Variants in MAPK7 observed in about 807,000 individuals in gnomAD.
The protein encoded by MAPK7 is BMK-1.
Under a neutral mutation model 56.9 loss-of-function variants are expected in MAPK7, and 30 were observed. That is an observed-to-expected ratio of 0.53 (90% confidence interval 0.39 to 0.72). The LOEUF (loss-of-function observed/expected upper bound fraction) is 0.72, where lower values mean the gene tolerates loss of function less well. Among genes scored for constraint, MAPK7 ranks in the 30% least tolerant of loss-of-function variants. MAPK7 has a pLI of 0.00. For synonymous variants in MAPK7, 516 were observed against 449.3 expected (o/e 1.15, Z -1.88); for missense variants, 952 against 1,110.8 (o/e 0.86, Z 2.03).
Position 19,378,602 on chromosome 17 carries a change from A to T in MAPK7, c.-34A>T. 2.4e-6 allele frequency: 3 copies of T among 1,254,698 alleles called. No individual in the cohort carries two copies. The highest frequency in any genetic ancestry group is 3.0e-6 in the Non-Finnish European group (3 of 995,566). The allele number at this position is 1,254,698 out of a possible 1,614,324, so 77.7% of individuals were successfully genotyped here. On this transcript the variant is annotated 5_prime_UTR_variant, in exon 1 of 7. Coordinates refer to ENST00000395604, the MANE Select transcript of MAPK7 (RefSeq NM_002749.4). The surrounding 1 kb of genome is among the most constrained non-coding windows in gnomAD (Gnocchi z 5.4). Reference sequence around the variant, plus strand: ...GGACGGGAGGCCGGCGAGCCTCGGGACCTCTGAAAGCCTTGAGGAGGCGCG... The same window carrying T: ...GGACGGGAGGCCGGCGAGCCTCGGGTCCTCTGAAAGCCTTGAGGAGGCGCG...
Position 19,381,795 on chromosome 17 carries a change from C to G in MAPK7, c.1492C>G (p.Pro498Ala). Residue 498 changes from proline to alanine, a missense_variant, in exon 5 of 7, where the codon CCC becomes GCC. By Grantham distance (27) the Pro-to-Ala change is conservative. Around this residue, in one of 5 missense-constraint regions of MAPK7, gnomAD observed 429 missense variants for 533.0 expected, o/e 0.80. Coordinates refer to ENST00000395604, the MANE Select transcript of MAPK7 (RefSeq NM_002749.4). This position sits in a 1 kb window ranked among gnomAD's most constrained non-coding sequence, Gnocchi z 4.6. ...RSRLRDGPSAPLEAPEPRKPV... is the reference protein window; with the variant it reads ...RSRLRDGPSAALEAPEPRKPV... Reference sequence around the variant, plus strand: ...CTTCCCCGCAGATGGCCCCAGCGCACCCCTGGAGGCTCCTGAGCCTCGGAA... The same window carrying G: ...CTTCCCCGCAGATGGCCCCAGCGCAGCCCTGGAGGCTCCTGAGCCTCGGAA... 1 of 1,556,576 alleles carries G rather than the reference C, an allele frequency of 6.4e-7. No homozygotes were observed. The highest frequency in any genetic ancestry group is 8.7e-7 in the Non-Finnish European group (1 of 1,153,900).
At position 19,379,946 on chromosome 17, in the gene MAPK7, G is replaced by C; in HGVS notation, c.397G>C (p.Val133Leu). The change falls in exon 3 of 7, where the codon GTC becomes CTC. Residue 133 changes from valine (V) to leucine (L), a missense_variant and splice_region_variant. Val to Leu is a conservative substitution (Grantham distance 32). Coordinates refer to ENST00000395604, the MANE Select transcript of MAPK7 (RefSeq NM_002749.4). Reference protein sequence around the residue: ...PTVPYGEFKSVYVVLDLMESD... With the variant: ...PTVPYGEFKSLYVVLDLMESD... The stretch of plus-strand genomic sequence containing the variant: ...CGTGCCCTATGGCGAATTCAAATCT[G>C]TGTAAGAAGCGGGATGGGAGAGGGA... The C allele has an allele frequency of 6.2e-7, 1 of 1,612,744 alleles. No individual in the cohort carries two copies.
chr17:19,378,219 G>A (rs1912264721), upstream of MAPK7: 1 of 985,718 alleles, frequency 1.0e-6, no homozygotes, highest in African/African-American at 1.7e-5. The surrounding 1 kb of genome is among the most constrained non-coding windows in gnomAD (Gnocchi z 5.4). Context: ...ACGTGCAGGG[G>A]CGTTGCCTTC....
chr17:19,379,055 GCGA>G lies in MAPK7; in HGVS notation c.159_161del (p.Asp53del), dbSNP rs1912377541. 1 of 1,614,060 alleles carries G rather than the reference GCGA, an allele frequency of 6.2e-7. No individual in the cohort carries two copies. The highest frequency in any genetic ancestry group is 1.7e-5 in the Admixed American group (1 of 60,008). ...TCCTTCGATGTGACCTTTGACGTGG[GCGA>G]CGAGTACGAGATCATCGAGACCATA... On this transcript the variant is annotated inframe_deletion, in exon 2 of 7. Transcript: ENST00000395604.
At chr17:19,379,288 G>T (rs962983362) in intron 2 of MAPK7, 156 bp downstream of exon 2, 16 of 689,278 alleles carry the variant, frequency 2.3e-5, no homozygotes, top group Non-Finnish European at 3.8e-5. Context: ...GCTCCGGGGA[G>T]GCTCGGTTCT....
At position 19,381,082 on chromosome 17, in the gene MAPK7, T is replaced by C. The variant is rs774766595; in HGVS notation, c.873T>C (p.Ala291=). The change falls in exon 4 of 7, where the codon GCT becomes GCC. Residue 291 remains alanine (A), a synonymous_variant. Transcript: ENST00000395604. This position sits in a 1 kb window ranked among gnomAD's most constrained non-coding sequence, Gnocchi z 4.6. ...PSPAVIQAVG[A]ERVRAYIQSL... ...CAGCCGTGATTCAGGCTGTGGGGGC[T>C]GAGAGGGTGCGGGCCTATATCCAGA... The C allele has an allele frequency of 3.7e-6, 6 of 1,614,094 alleles. No homozygotes were observed. The highest frequency in any genetic ancestry group is 2.7e-5 in the African/African-American group (2 of 75,040).
chr17:19,382,565 G>A (rs1006462380), intron 5 of MAPK7, 99 bp downstream of exon 5: 1 of 1,506,406 alleles, frequency 6.6e-7, no homozygotes, highest in Non-Finnish European at 8.8e-7. Context: ...AGCAGCAGAT[G>A]GGGCTTTATC....
At position 19,378,772 on chromosome 17, in the gene MAPK7, CCG is replaced by C. The variant is rs1912337676; in HGVS notation, c.-5-118_-5-117del. 2.4e-5 allele frequency: 31 copies of C among 1,279,108 alleles called. No individual in the cohort carries two copies. Among genetic ancestry groups the C allele is most frequent in the Middle Eastern group, 2.4e-4 (1 of 4,130 alleles). The allele number at this position is 1,279,108 out of a possible 1,614,324, so 79.2% of individuals were successfully genotyped here. A position where few individuals can be genotyped will look rare whatever the true frequency, so the allele number is the denominator to read the frequency against. On this transcript the variant is annotated intron_variant, in intron 1 of 6. Coordinates refer to ENST00000395604, the MANE Select transcript of MAPK7 (RefSeq NM_002749.4). This position sits in a 1 kb window ranked among gnomAD's most constrained non-coding sequence, Gnocchi z 5.4. ...GGGTAGCTAGTCTGCCACGAACCAG[CCG>C]CGCGCTTCTGCCCTTGTCGGTTTAG...
rs985577604 is a variant in MAPK7, at chr17:19,381,236, C to T, written c.1027C>T (p.Arg343Cys). ...TCGCATCTCAGCAGCTGCTGCCCTT[C>T]GCCACCCTTTCCTGGCCAAGTACCA... The part of the protein sequence containing the change: ...SARISAAAAL[R>C]HPFLAKYHDP... Residue 343 changes from arginine to cysteine, a missense_variant, in exon 4 of 7, where the codon CGC becomes TGC. Physicochemically the swap from Arg to Cys is radical, Grantham distance 180. Around this residue, in one of 5 missense-constraint regions of MAPK7, gnomAD observed 429 missense variants for 533.0 expected, o/e 0.80. Coordinates refer to ENST00000395604, the MANE Select transcript of MAPK7 (RefSeq NM_002749.4). This position sits in a 1 kb window ranked among gnomAD's most constrained non-coding sequence, Gnocchi z 4.6. The T allele has an allele frequency of 1.5e-5, 25 of 1,614,024 alleles. No individual in the cohort carries two copies. Among genetic ancestry groups the T allele is most frequent in the African/African-American group, 2.7e-5 (2 of 74,946 alleles).
Position 19,382,479 on chromosome 17 carries a change from C to T in MAPK7, c.2163+13C>T, listed in dbSNP as rs774301198. 3 of 1,568,190 alleles carry T rather than the reference C, an allele frequency of 1.9e-6. No homozygotes were observed. Among genetic ancestry groups the T allele is most frequent in the South Asian group, 1.2e-5 (1 of 83,790 alleles). On this transcript the variant is annotated intron_variant, in intron 5 of 6. Coordinates refer to ENST00000395604, the MANE Select transcript of MAPK7 (RefSeq NM_002749.4). ...ATCTAAGTCACAGGTGAGAGGGAGG[C>T]CCAGGCCATGGGGACACCTGGGTCT...
chr17:19,380,995 C>T lies in MAPK7; in HGVS notation c.786C>T (p.Phe262=). 2 of 1,614,154 alleles carry T rather than the reference C, an allele frequency of 1.2e-6. No individual in the cohort carries two copies. The highest frequency in any genetic ancestry group is 1.7e-6 in the Non-Finnish European group (2 of 1,180,034). ...FGEMLARRQL[F]PGKNYVHQLQ... ...AGATGCTGGCCCGGCGCCAGCTCTT[C>T]CCAGGCAAAAACTATGTACACCAGC... Residue 262 remains phenylalanine (F), a synonymous_variant, in exon 4 of 7, where the codon TTC becomes TTT. Transcript: ENST00000395604.
At position 19,381,998 on chromosome 17, in the gene MAPK7, C is replaced by T; in HGVS notation, c.1695C>T (p.Asp565=). The T allele has an allele frequency of 6.4e-7, 1 of 1,553,166 alleles. No homozygotes were observed. The change falls in exon 5 of 7, where the codon GAC becomes GAT. Residue 565 remains aspartate (D), a synonymous_variant. Transcript: ENST00000395604. The surrounding 1 kb of genome is among the most constrained non-coding windows in gnomAD (Gnocchi z 4.6). ...PLAGLVLSDN[D]RSLLERWTRM... ...CTGGACTAGTGCTCAGTGACAATGA[C>T]AGAAGCCTGTTGGAACGCTGGACTC... is the stretch of plus-strand genomic sequence containing the variant.
chr17:19,379,197 TC>T, intron 2 of MAPK7, 65 bp downstream of exon 2: 1 of 1,431,522 alleles, frequency 7.0e-7, no homozygotes, highest in Non-Finnish European at 9.6e-7. Context: ...AACCGGCCTG[TC>T]CCAGACAGCC....
chr17:19,380,583 C>A, intron 3 of MAPK7, 25 bp from the exon 4 acceptor site: 1 of 1,568,716 alleles, frequency 6.4e-7, no homozygotes, highest in South Asian at 1.2e-5. Context: ...CCAACCCATG[C>A]TTCTCTCCTT....
chr17:19,380,339 C>A (rs1314963362), intron 3 of MAPK7: 1 of 744,504 alleles, frequency 1.3e-6, no homozygotes, highest in Non-Finnish European at 2.0e-6. Flanking sequence ...AAAAGGAAAC[C>A]TATTGGCCAG....
rs771770181 is a variant in MAPK7 at position 19,382,385 on chromosome 17, A to G, written c.2082A>G (p.Pro694=). Residue 694 remains proline, a synonymous_variant, in exon 5 of 7, where the codon CCA becomes CCG. Coordinates refer to ENST00000395604, the MANE Select transcript of MAPK7 (RefSeq NM_002749.4). The part of the protein sequence containing the change: ...LPYFPPGLPP[P]DAGGAPQSSM... Reference sequence around the variant, plus strand: ...ACTTCCCACCTGGCCTGCCGCCCCCAGACGCCGGGGGAGCCCCTCAGTCTT... The same window carrying G: ...ACTTCCCACCTGGCCTGCCGCCCCCGGACGCCGGGGGAGCCCCTCAGTCTT... 8 of 1,613,378 alleles carry G rather than the reference A, an allele frequency of 5.0e-6. No homozygotes were observed. The highest frequency in any genetic ancestry group is 3.4e-6 in the Non-Finnish European group (4 of 1,179,940).
Position 19,378,765 on chromosome 17 carries a change from G to A in MAPK7, c.-5-131G>A. The A allele has an allele frequency of 1.6e-6, 2 of 1,282,980 alleles. No individual in the cohort carries two copies. The highest frequency in any genetic ancestry group is 2.1e-6 in the Non-Finnish European group (2 of 963,362). The allele number at this position is 1,282,980 out of a possible 1,614,324, so 79.5% of individuals were successfully genotyped here. A position where few individuals can be genotyped will look rare whatever the true frequency, so the allele number is the denominator to read the frequency against. The stretch of plus-strand genomic sequence containing the variant: ...ACCCCTGGGGTAGCTAGTCTGCCAC[G>A]AACCAGCCGCGCGCTTCTGCCCTTG... On this transcript the variant is annotated intron_variant, in intron 1 of 6. Transcript: ENST00000395604. This position sits in a 1 kb window ranked among gnomAD's most constrained non-coding sequence, Gnocchi z 5.4.
At chr17:19,378,155 G>C (rs1912255616), upstream of MAPK7, 6 of 977,442 alleles carry the variant, frequency 6.1e-6, no homozygotes, top group Non-Finnish European at 7.3e-6. The surrounding 1 kb of genome is among the most constrained non-coding windows in gnomAD (Gnocchi z 5.4). Context: ...GAGCTCACGG[G>C]ACTAGCTGTG....
rs1912338584 is a variant in MAPK7, at chr17:19,378,779, C to T, written c.-5-117C>T. The stretch of plus-strand genomic sequence containing the variant: ...TAGTCTGCCACGAACCAGCCGCGCG[C>T]TTCTGCCCTTGTCGGTTTAGGAAAC... On this transcript the variant is annotated intron_variant, in intron 1 of 6. Transcript: ENST00000395604. This position sits in a 1 kb window ranked among gnomAD's most constrained non-coding sequence, Gnocchi z 5.4. 12 of 1,292,904 alleles carry T rather than the reference C, an allele frequency of 9.3e-6. No homozygotes were observed. Among genetic ancestry groups the T allele is most frequent in the Non-Finnish European group, 1.2e-5 (12 of 963,622 alleles). 80.1% of individuals were successfully genotyped at this position (1,292,904 alleles called of 1,614,324 possible).
Sources: gnomAD v4.1 joint callset for allele counts on GRCh38, gnomAD v4.1.1 for gene constraint, gnomAD v4.1.1 regional missense constraint, Gnocchi (gnomAD v3.1) non-coding constraint, MANE v1.5 for transcripts, NCBI Gene and HGNC (gene_info 2026-07-23, HGNC 2026-07-21) for gene names.